Variants in COL6A2 observed in about 807,000 individuals in gnomAD.
COL6A2 encodes the protein collagen alpha-2(VI) chain.
In COL6A2, 90 loss-of-function variants were observed where a neutral mutation model predicts 124.9. The observed-to-expected ratio is 0.72, with a 90% CI of 0.61 to 0.86. The LOEUF is 0.86. COL6A2 is among the 40% of genes least tolerant of loss of function. The pLI, the probability that COL6A2 is intolerant of heterozygous loss-of-function variation, is 0.00. For synonymous variants in COL6A2, 793 were observed against 618.2 expected (o/e 1.28, Z -4.19); for missense variants, 1,607 against 1,502.5 (o/e 1.07, Z -1.15).
At chr21:46,121,423 G>A (rs766505872) in intron 17 of COL6A2, 133 bp from the exon 18 acceptor site, 9 of 883,040 alleles carry the variant, frequency 1.0e-5, no homozygotes, top group East Asian at 2.6e-5. Context: ...AGAGGTCCAC[G>A]GCCCCCACAG....
intron 1 of COL6A2, among the ~76,000 whole-genome samples, chr21:46,101,936 A>G (rs1435919188): frequency 6.7e-6 from 1 of 149,490 alleles, no homozygotes; most frequent in African/African-American, 2.5e-5. Flanking sequence ...TATTTCTGAA[A>G]AAAAAAACAA....
At chr21:46,124,987 G>T in intron 23 of COL6A2, 67 bp downstream of exon 23, 1 of 1,578,454 alleles carries the variant, frequency 6.3e-7, no homozygotes. Context: ...GAGCAGCAGG[G>T]GTGGGGGAAG....
Position 46,125,531 on chromosome 21 carries a change from A to G in COL6A2, c.1883A>G (p.Tyr628Cys), listed in dbSNP as rs1490189691. ...FVIDSSESIG[Y>C]TNFTLEKNFV... ...ATCGACAGCTCCGAGAGCATTGGGTACACCAACTTCACACTGGAGAAGAAC... is the reference window on the plus strand; with the variant it reads ...ATCGACAGCTCCGAGAGCATTGGGTGCACCAACTTCACACTGGAGAAGAAC... Residue 628 changes from tyrosine (Y) to cysteine (C), a missense_variant, in exon 25 of 28, where the codon TAC becomes TGC. This residue lies in a region of COL6A2 where 1,223 missense variants were observed against 1,052.2 expected (regional missense o/e 1.16). Transcript: ENST00000300527. 1 of 1,612,826 alleles carries G rather than the reference A, an allele frequency of 6.2e-7. No homozygotes were observed. Among genetic ancestry groups the G allele is most frequent in the Non-Finnish European group, 8.5e-7 (1 of 1,179,978 alleles).
rs1377806820 is a variant in COL6A2 at position 46,124,936 on chromosome 21, G to A, written c.1770+16G>A. ...CGGTCTCACGGTAGGTGTCACATGGGGCAGAACCAGTGTCCTTCTCCTGCC... is the reference window on the plus strand; with the variant it reads ...CGGTCTCACGGTAGGTGTCACATGGAGCAGAACCAGTGTCCTTCTCCTGCC... On this transcript the variant is annotated intron_variant, in intron 23 of 27. Transcript: ENST00000300527. The A allele has an allele frequency of 1.2e-6, 2 of 1,612,844 alleles. No homozygotes were observed. Among genetic ancestry groups the A allele is most frequent in the Non-Finnish European group, 1.7e-6 (2 of 1,179,956 alleles).
At chr21:46,111,401 CA>C (rs949434974) in intron 1 of COL6A2, 48 bp from the exon 2 acceptor site, 9 of 1,103,732 alleles carry the variant, frequency 8.2e-6, no homozygotes, top group Admixed American at 5.6e-5. Context: ...GGGAGGGTGC[CA>C]GGGGAGAGGC....
chr21:46,129,213 G>A (rs570046000), intron 27 of COL6A2: 216 of 1,612,876 alleles, frequency 1.3e-4, no homozygotes, highest in East Asian at 2.5e-4. Flanking sequence ...GTGGCCTGGC[G>A]GCGAGCCCCC....
At chr21:46,124,622 G>A (rs1204999054) in intron 21 of COL6A2, 29 bp from the exon 22 acceptor site, 3 of 1,611,650 alleles carry the variant, frequency 1.9e-6, no homozygotes, top group Non-Finnish European at 2.5e-6. Context: ...TGGGGCCACT[G>A]AAGCCCACCT....
Position 46,117,922 on chromosome 21 carries a change from G to C in COL6A2, c.1102G>C (p.Asp368His). 1 of 1,612,806 alleles carries C rather than the reference G, an allele frequency of 6.2e-7. No homozygotes were observed. The highest frequency in any genetic ancestry group is 8.5e-7 in the Non-Finnish European group (1 of 1,179,754). The part of the protein sequence containing the change: ...GEAGSPGERG[D>H]QGGKGDPGRP... Reference sequence around the variant, plus strand: ...AGCAGGGAGTCCAGGGGAGCGAGGAGACCAAGGCGGCAAGGTAAGTGGCCT... The same window carrying C: ...AGCAGGGAGTCCAGGGGAGCGAGGACACCAAGGCGGCAAGGTAAGTGGCCT... Residue 368 changes from aspartate to histidine, a missense_variant, in exon 12 of 28, where the codon GAC becomes CAC. Coordinates refer to ENST00000300527, the MANE Select transcript of COL6A2 (RefSeq NM_001849.4).
chr21:46,131,617 C>CTTGAGCCATGAAAGGATGCT (rs763118954), intron 27 of COL6A2, among the ~76,000 whole-genome samples: 13 of 152,188 alleles, frequency 8.5e-5, no homozygotes, highest in Non-Finnish European at 1.8e-4. Context: ...GCAGCAAATT[C>CTTGAGCCATGAAAGGATGCT]TTGAGCCATG....
At chr21:46,119,176 T>G (rs771921258) in intron 14 of COL6A2, 57 bp downstream of exon 14, 38 of 1,350,454 alleles carry the variant, frequency 2.8e-5, no homozygotes, top group Non-Finnish European at 3.5e-5. Flanking sequence ...CCTTGCAGCT[T>G]GAGGAGGACC....
intron 27 of COL6A2, among the ~76,000 whole-genome samples, chr21:46,127,598 G>C (rs1266959308): frequency 1.3e-5 from 2 of 152,150 alleles, no homozygotes; most frequent in African/African-American, 2.4e-5. Context: ...AGGGGCACCT[G>C]GACCCTGAGG....
Position 46,125,461 on chromosome 21 carries a change from C to A in COL6A2, c.1817-4C>A, listed in dbSNP as rs373659176. ...ACCCCCCGATGACCCTGCCACCCCC[C>A]CAGACTGTGAGAAGCGCTGTGGCGC... is the stretch of plus-strand genomic sequence containing the variant. On this transcript the variant is annotated splice_region_variant and splice_polypyrimidine_tract_variant and intron_variant, in intron 24 of 27. Transcript: ENST00000300527. The A allele has an allele frequency of 6.2e-7, 1 of 1,612,878 alleles. No individual in the cohort carries two copies. Among genetic ancestry groups the A allele is most frequent in the South Asian group, 1.1e-5 (1 of 91,080 alleles).
chr21:46,125,350 C>G, intron 24 of COL6A2, 39 bp downstream of exon 24: 1 of 1,605,546 alleles, frequency 6.2e-7, no homozygotes, highest in East Asian at 2.2e-5. Flanking sequence ...GCCCATGCAC[C>G]GGGTGGAGGG....
At chr21:46,130,537 C>T (rs2078747098) in intron 27 of COL6A2, among the ~76,000 whole-genome samples, 1 of 151,946 alleles carries the variant, frequency 6.6e-6, no homozygotes, top group South Asian at 2.1e-4. Context: ...GATGAAGGAT[C>T]CTCCACAGGA....
chr21:46,098,235 T>A (rs1342012292), intron 1 of COL6A2, 62 bp downstream of exon 1: 1 of 150,294 alleles, frequency 6.7e-6, no homozygotes, highest in Non-Finnish European at 1.5e-5. Flanking sequence ...TGACCCCGAG[T>A]CCTGGGAAGG....
Position 46,126,114 on chromosome 21 carries a change from C to T in COL6A2, c.2299C>T (p.His767Tyr). 6.2e-7 allele frequency: 1 copy of T among 1,612,576 alleles called. No homozygotes were observed. The highest frequency in any genetic ancestry group is 8.5e-7 in the Non-Finnish European group (1 of 1,180,020). Residue 767 changes from histidine (H) to tyrosine (Y), a missense_variant, in exon 26 of 28, where the codon CAC becomes TAC. By Grantham distance (83) the His-to-Tyr change is moderately conservative. Around this residue, in one of 3 missense-constraint regions of COL6A2, gnomAD observed 1,223 missense variants for 1,052.2 expected, o/e 1.16. Transcript: ENST00000300527. ...CATCGGGGACATGTTCCACGAGAAG[C>T]ACGAGAGTGAAAACCTCTACTCCAT... is the stretch of plus-strand genomic sequence containing the variant. ...IGIGDMFHEK[H>Y]ESENLYSIAC...
intron 27 of COL6A2, among the ~76,000 whole-genome samples, 179 bp downstream of exon 27, chr21:46,126,720 T>G (rs2078676035): frequency 6.6e-6 from 1 of 151,960 alleles, no homozygotes; most frequent in Admixed American, 6.5e-5. Context: ...AGGAGGGGCT[T>G]GGGGAAGGCA....
At chr21:46,111,889 C>A in intron 2 of COL6A2, 90 bp from the exon 3 acceptor site, 1 of 1,407,048 alleles carries the variant, frequency 7.1e-7, no homozygotes, top group Non-Finnish European at 9.9e-7. Flanking sequence ...GCAGTGAGGT[C>A]AAACCCACAA....
chr21:46,099,907 T>TTTTTTC, intron 1 of COL6A2, among the ~76,000 whole-genome samples: 1 of 147,492 alleles, frequency 6.8e-6, no homozygotes, highest in Non-Finnish European at 1.5e-5. Flanking sequence ...TTTTTTTTTT[T>TTTTTTC]TTTTTCTCAT....
Sources: allele counts gnomAD v4.1 joint callset (sites outside exome capture counted in the v4.1 genomes callset), GRCh38; gene constraint gnomAD v4.1.1; regional missense constraint gnomAD v4.1.1; transcripts MANE v1.5; gene names NCBI Gene and HGNC (gene_info 2026-07-23, HGNC 2026-07-21).